The following TRIP12 variants were observed in gnomAD, a reference collection of about 807,000 sequenced individuals.
TRIP12 encodes E3 ubiquitin-protein ligase TRIP12.
Under a neutral mutation model 244.2 loss-of-function variants are expected in TRIP12, and 25 were observed. The ratio of observed to expected loss-of-function variants is 0.10; its 90% CI spans 0.07 to 0.14. The LOEUF (loss-of-function observed/expected upper bound fraction) is 0.14, where lower values mean the gene tolerates loss of function less well. TRIP12 is among the 10% of genes least tolerant of loss of function. The pLI is 1.00. For synonymous variants in TRIP12, 905 were observed against 873.1 expected (o/e 1.04, Z -0.64); for missense variants, 1,677 against 2,486.4 (o/e 0.67, Z 6.92).
At chr2:229,810,708 A>G (rs2047054659) in intron 15 of TRIP12, among the ~76,000 whole-genome samples, 172 bp downstream of exon 15, 1 of 152,226 alleles carries the variant, frequency 6.6e-6, no homozygotes, top group South Asian at 2.1e-4. Flanking sequence ...AGTATGTTAG[A>G]AACATTAACA....
chr2:229,911,068 T>C (rs1481268279), intron 1 of TRIP12, among the ~76,000 whole-genome samples: 2 of 152,132 alleles, frequency 1.3e-5, no homozygotes, highest in Admixed American at 1.3e-4. Flanking sequence ...AATACATGCT[T>C]CATATAAAGG....
At chr2:229,780,869 C>A (rs1198956827) in intron 34 of TRIP12, among the ~76,000 whole-genome samples, 1 of 152,116 alleles carries the variant, frequency 6.6e-6, no homozygotes, top group Non-Finnish European at 1.5e-5. Context: ...TTTGTATATT[C>A]TGTTCTGCAC....
intron 3 of TRIP12, among the ~76,000 whole-genome samples, chr2:229,859,967 C>A (rs1270466150): frequency 6.6e-6 from 1 of 152,182 alleles, no homozygotes; most frequent in Admixed American, 6.5e-5. Context: ...AACATACGCA[C>A]TTTCAAAATG....
At chr2:229,819,074 ACACACACACAC>A (rs1317741683) in intron 8 of TRIP12, among the ~76,000 whole-genome samples, 2 of 147,810 alleles carry the variant, frequency 1.4e-5, no homozygotes, top group Non-Finnish European at 1.5e-5. Flanking sequence ...ACACACACAC[ACACACACACAC>A]AATTATAAAC....
intron 1 of TRIP12, among the ~76,000 whole-genome samples, chr2:229,916,613 A>C (rs778743264): frequency 2.0e-5 from 3 of 152,170 alleles, no homozygotes; most frequent in Non-Finnish European, 2.9e-5. Context: ...CTGCACTCTC[A>C]AGACAAAGCA....
At chr2:229,790,720 G>A (rs1055822224) in intron 30 of TRIP12, among the ~76,000 whole-genome samples, 1 of 152,158 alleles carries the variant, frequency 6.6e-6, no homozygotes, top group Admixed American at 6.5e-5. Flanking sequence ...TACATTACCT[G>A]GCATCACTTT....
Position 229,844,417 on chromosome 2 carries a change from TAGAC to T in TRIP12, c.1028-3494_1028-3491del, listed in dbSNP as rs563177530. 2.1e-4 allele frequency among the ~76,000 whole-genome samples: 32 copies of T among 152,194 alleles called. 1 individual carries two copies. The highest frequency in any genetic ancestry group is 3.8e-4 in the Non-Finnish European group (26 of 68,024). On this transcript the variant is annotated intron_variant, in intron 4 of 41. Coordinates refer to ENST00000675903, the MANE Select transcript of TRIP12 (RefSeq NM_001348323.3). ...TGTTATGTTAATTAAAAACTAGAAA[TAGAC>T]AACTGAATAATAAATCTTCGCTGTC...
chr2:229,841,796 C>T (rs946646767), intron 4 of TRIP12, among the ~76,000 whole-genome samples: 3 of 152,162 alleles, frequency 2.0e-5, no homozygotes, highest in African/African-American at 7.2e-5. Flanking sequence ...TCACTTACTT[C>T]TTTTCAGGAA....
intron 1 of TRIP12, among the ~76,000 whole-genome samples, chr2:229,915,563 G>C (rs994295200): frequency 6.6e-6 from 1 of 152,032 alleles, no homozygotes; most frequent in African/African-American, 2.4e-5. Context: ...TCATGGGCCA[G>C]CTACTGTGCT....
intron 34 of TRIP12, among the ~76,000 whole-genome samples, chr2:229,783,620 A>G (rs759101128): frequency 6.6e-6 from 1 of 152,190 alleles, no homozygotes; most frequent in Non-Finnish European, 1.5e-5. Context: ...ATGAAAAATT[A>G]AAGATTCAGA....
Position 229,808,247 on chromosome 2 carries a change from T to C in TRIP12, c.2339+5A>G. The C allele has an allele frequency of 6.2e-7, 1 of 1,607,392 alleles. No individual in the cohort carries two copies. The highest frequency in any genetic ancestry group is 8.5e-7 in the Non-Finnish European group (1 of 1,174,244). On this transcript the variant is annotated splice_donor_5th_base_variant and intron_variant, in intron 16 of 41. Coordinates refer to ENST00000675903, the MANE Select transcript of TRIP12 (RefSeq NM_001348323.3). ...TCCCAAAGTGATATTTAGCCCAATC[T>C]TTACCAAATCAGAGATGTCAGTTCA...
intron 2 of TRIP12, among the ~76,000 whole-genome samples, chr2:229,870,089 A>G (rs1420227623): frequency 6.6e-6 from 1 of 152,238 alleles, no homozygotes; most frequent in Non-Finnish European, 1.5e-5. Context: ...GTTAAGGAAT[A>G]GCTAACAGGA....
rs150369596 is a variant in TRIP12 at position 229,861,132 on chromosome 2, G to A, written c.99-601C>T. Among the ~76,000 whole-genome samples the A allele has an allele frequency of 1.6e-4, 25 of 152,176 alleles. No homozygotes were observed. In the East Asian group the frequency reaches 4.8e-3, roughly 29 times the overall value. On this transcript the variant is annotated intron_variant, in intron 2 of 41. Coordinates refer to ENST00000675903, the MANE Select transcript of TRIP12 (RefSeq NM_001348323.3). ...TACTTGCTAAAACTTTAAAGTACTT[G>A]TCAACAGAAAGAACACAAAAAAGTC...
At chr2:229,824,388 C>A (rs929557036) in intron 8 of TRIP12, among the ~76,000 whole-genome samples, 2 of 152,054 alleles carry the variant, frequency 1.3e-5, no homozygotes, top group Admixed American at 6.5e-5. Context: ...GGGGAGTTTG[C>A]AACACCTACA....
At chr2:229,791,284 T>C (rs368134136) in intron 29 of TRIP12, 33 bp from the exon 30 acceptor site, 6 of 1,611,030 alleles carry the variant, frequency 3.7e-6, no homozygotes, top group Non-Finnish European at 5.1e-6. Context: ...AAACCAAATG[T>C]AGATTTTGAA....
In TRIP12 at chr2:229,805,869, G is replaced by A. The variant is rs767357121; in HGVS notation, c.2511C>T (p.Val837=). ...TGGACAAGCTTATCTCATCCTCACC[G>A]ACCTGATGGGCTGCCTGAGAGCAAA... The part of the protein sequence containing the change: ...DSRIIEAAHQ[V]GEDEISLSTL... The change falls in exon 18 of 42, where the codon GTC becomes GTT. Residue 837 remains valine, a synonymous_variant. Transcript: ENST00000675903. 2.6e-6 allele frequency: 4 copies of A among 1,566,200 alleles called. No individual in the cohort carries two copies. Among genetic ancestry groups the A allele is most frequent in the Non-Finnish European group, 3.5e-6 (4 of 1,145,816 alleles).
intron 4 of TRIP12, among the ~76,000 whole-genome samples, chr2:229,845,824 G>A (rs2057452795): frequency 6.6e-6 from 1 of 151,522 alleles, no homozygotes; most frequent in Non-Finnish European, 1.5e-5. Context: ...CCAGGAGTTT[G>A]AGACCAGCCT....
chr2:229,868,741 C>A (rs780583291), intron 2 of TRIP12, among the ~76,000 whole-genome samples: 3 of 152,182 alleles, frequency 2.0e-5, no homozygotes, highest in African/African-American at 7.2e-5. Context: ...GAAGAAAACA[C>A]ACGGGACCAG....
At chr2:229,919,866 A>G (rs1392784539) in intron 1 of TRIP12, among the ~76,000 whole-genome samples, 1 of 152,258 alleles carries the variant, frequency 6.6e-6, no homozygotes, top group African/African-American at 2.4e-5. Context: ...TCAATCTCAC[A>G]AAGATAGTCA....
Sources: allele counts gnomAD v4.1 joint callset (sites outside exome capture counted in the v4.1 genomes callset), GRCh38; gene constraint gnomAD v4.1.1; transcripts MANE v1.5; gene names NCBI Gene and HGNC (gene_info 2026-07-23, HGNC 2026-07-21).